BMPER: variants seen among roughly 807,000 people sequenced by gnomAD.
BMPER encodes BMP-binding endothelial regulator protein.
Under a neutral mutation model 87.3 loss-of-function variants are expected in BMPER, and 45 were observed. The observed-to-expected ratio is 0.52, with a 90% CI of 0.41 to 0.66. BMPER has a LOEUF of 0.66. Among genes scored for constraint, BMPER ranks in the 30% least tolerant of loss-of-function variants. The pLI is 0.00. For missense variants in BMPER, 784 were observed against 867.5 expected (o/e 0.90, Z 1.21); for synonymous variants, 326 against 316.2 (o/e 1.03, Z -0.33).
At chr7:33,953,472 G>A (rs1785076144) in intron 3 of BMPER, among the ~76,000 whole-genome samples, 1 of 152,132 alleles carries the variant, frequency 6.6e-6, no homozygotes, top group Non-Finnish European at 1.5e-5. Flanking sequence ...TTTCCCCTCT[G>A]TATCATGCAG....
chr7:34,132,164 A>G (rs910458953), intron 13 of BMPER, among the ~76,000 whole-genome samples: 1 of 152,144 alleles, frequency 6.6e-6, no homozygotes, highest in African/African-American at 2.4e-5. Flanking sequence ...ACAATTGTGT[A>G]GGCATGTTTT....
intron 2 of BMPER, among the ~76,000 whole-genome samples, chr7:33,924,679 A>G (rs1380671549): frequency 6.6e-6 from 1 of 151,854 alleles, no homozygotes; most frequent in Non-Finnish European, 1.5e-5. Context: ...TCTTTTTTTG[A>G]GAGGGGAGGA....
intron 13 of BMPER, among the ~76,000 whole-genome samples, chr7:34,088,110 T>C (rs1210761035): frequency 6.6e-6 from 1 of 152,198 alleles, no homozygotes; most frequent in Non-Finnish European, 1.5e-5. Flanking sequence ...TGCCCTGAGT[T>C]GGGCAGCTCA....
intron 2 of BMPER, among the ~76,000 whole-genome samples, chr7:33,909,851 G>T (rs1195593566): frequency 1.3e-5 from 2 of 152,178 alleles, no homozygotes; most frequent in African/African-American, 4.8e-5. Context: ...CTTTTAAGCT[G>T]TGAAATGTTT....
At chr7:33,956,771 A>G (rs1186381453) in intron 3 of BMPER, among the ~76,000 whole-genome samples, 1 of 152,252 alleles carries the variant, frequency 6.6e-6, no homozygotes, top group East Asian at 1.9e-4. Flanking sequence ...CTTTAGTAAG[A>G]ATACAGTGTA....
rs189986403 is a variant in BMPER, at chr7:34,037,343, T to G, written c.577-8963T>G. 1.2e-3 allele frequency among the ~76,000 whole-genome samples: 176 copies of G among 152,284 alleles called. 3 individuals are homozygous for G. The highest frequency in any genetic ancestry group is 1.7e-3 in the South Asian group (8 of 4,820). On this transcript the variant is annotated intron_variant, in intron 6 of 14. Transcript: ENST00000649409. Reference sequence around the variant, plus strand: ...TATGCAGTTGAAGTTTAACACTGTCTCTATAGCCAGGCTGGACCTGCTCAC... The same window carrying G: ...TATGCAGTTGAAGTTTAACACTGTCGCTATAGCCAGGCTGGACCTGCTCAC...
intron 5 of BMPER, among the ~76,000 whole-genome samples, chr7:33,973,524 C>G (rs1785602747): frequency 6.6e-6 from 1 of 152,238 alleles, no homozygotes; most frequent in African/African-American, 2.4e-5. Flanking sequence ...ACAAAGGGCT[C>G]TGTATCCAGC....
At chr7:33,917,744 A>G (rs1424185540) in intron 2 of BMPER, among the ~76,000 whole-genome samples, 3 of 152,238 alleles carry the variant, frequency 2.0e-5, no homozygotes, top group South Asian at 2.1e-4. Context: ...CAACTCTTGT[A>G]TGCTTGGTCA....
chr7:33,960,182 G>A (rs1032427234), intron 3 of BMPER, among the ~76,000 whole-genome samples: 14 of 152,206 alleles, frequency 9.2e-5, no homozygotes, highest in Admixed American at 3.9e-4. Flanking sequence ...TCTTGGGACT[G>A]AGGAAATGGT....
chr7:33,999,504 T>G (rs1786519782), intron 6 of BMPER, among the ~76,000 whole-genome samples: 1 of 152,242 alleles, frequency 6.6e-6, no homozygotes, highest in African/African-American at 2.4e-5. Flanking sequence ...TTTACTGGTT[T>G]GTATTGTTAT....
intron 13 of BMPER, among the ~76,000 whole-genome samples, chr7:34,104,358 C>T (rs1162789560): frequency 6.6e-6 from 1 of 152,178 alleles, no homozygotes; most frequent in Non-Finnish European, 1.5e-5. Flanking sequence ...TTATGTTCCT[C>T]CCCCTCCCAA....
intron 10 of BMPER, among the ~76,000 whole-genome samples, chr7:34,058,436 CTT>C (rs1316987468): frequency 1.3e-5 from 2 of 152,228 alleles, no homozygotes; most frequent in Non-Finnish European, 2.9e-5. Flanking sequence ...TGCAAGATCT[CTT>C]TCTTTGTTTT....
At chr7:33,968,794 T>C (rs1785466734) in intron 4 of BMPER, among the ~76,000 whole-genome samples, 1 of 152,226 alleles carries the variant, frequency 6.6e-6, no homozygotes, top group African/African-American at 2.4e-5. Context: ...GGAGCTCTGA[T>C]GGTGAGAAAT....
At chr7:34,000,506 G>A (rs1255913923) in intron 6 of BMPER, among the ~76,000 whole-genome samples, 1 of 152,030 alleles carries the variant, frequency 6.6e-6, no homozygotes, top group Non-Finnish European at 1.5e-5. Flanking sequence ...AACCCTAAGA[G>A]ATACAGTCTT....
intron 6 of BMPER, among the ~76,000 whole-genome samples, chr7:33,993,973 C>T (rs1447798397): frequency 2.0e-5 from 3 of 152,292 alleles, no homozygotes; most frequent in East Asian, 3.9e-4. Flanking sequence ...GGCAGTCTGC[C>T]CGTTCTCAGA....
chr7:33,998,378 C>T (rs1013607169), intron 6 of BMPER, among the ~76,000 whole-genome samples: 4 of 152,172 alleles, frequency 2.6e-5, no homozygotes, highest in East Asian at 3.9e-4. Flanking sequence ...AGCTAGACTT[C>T]GGTGGGAATC....
chr7:34,107,177 C>T (rs1179225483), intron 13 of BMPER, among the ~76,000 whole-genome samples: 3 of 152,182 alleles, frequency 2.0e-5, no homozygotes, highest in East Asian at 1.9e-4. Flanking sequence ...TTGTATTTCA[C>T]GTCTCCTAGT....
At chr7:33,962,632 C>T (rs1195685411) in intron 3 of BMPER, among the ~76,000 whole-genome samples, 1 of 152,150 alleles carries the variant, frequency 6.6e-6, no homozygotes, top group African/African-American at 2.4e-5. Flanking sequence ...GGCAAAATCA[C>T]CCTCACTTGA....
chr7:34,059,795 G>A (rs988888945), intron 10 of BMPER, among the ~76,000 whole-genome samples: 18 of 149,748 alleles, frequency 1.2e-4, no homozygotes, highest in African/African-American at 4.2e-4. Flanking sequence ...TCCCTGCTCT[G>A]TCTTTCCTGG....
Sources: allele counts gnomAD v4.1 joint callset (sites outside exome capture counted in the v4.1 genomes callset), GRCh38; gene constraint gnomAD v4.1.1; transcripts MANE v1.5; gene names NCBI Gene and HGNC (gene_info 2026-07-23, HGNC 2026-07-21).